The following HECW1 variants were observed in gnomAD, a reference collection of about 807,000 sequenced individuals.
HECW1 encodes E3 ubiquitin-protein ligase HECW1.
In HECW1, 61 loss-of-function variants were observed where a neutral mutation model predicts 182.3. That is an observed-to-expected ratio of 0.33 (90% CI 0.27 to 0.41). The LOEUF is 0.41. Among genes scored for constraint, HECW1 ranks in the 10% least tolerant of loss-of-function variants. The probability of loss-of-function intolerance (pLI) is 1.00; values close to 1 mark genes in which losing one functional copy is unlikely to be tolerated. For missense variants in HECW1, 1,739 were observed against 2,108.9 expected, an observed-to-expected ratio of 0.82 and a Z score of 3.44; for synonymous variants, 859 against 832.6, an observed-to-expected ratio of 1.03 and a Z score of -0.55.
chr7:43,219,725 T>C (rs1374124910), intron 2 of HECW1, among the ~76,000 whole-genome samples: 1 of 152,194 alleles, frequency 6.6e-6, no homozygotes, highest in Non-Finnish European at 1.5e-5. Flanking sequence ...ATAACATAAT[T>C]GATTAAGTCA....
chr7:43,553,372 T>A (rs766999790), intron 28 of HECW1, among the ~76,000 whole-genome samples: 11 of 152,062 alleles, frequency 7.2e-5, no homozygotes, highest in Non-Finnish European at 1.3e-4. Flanking sequence ...AAAATCGGTA[T>A]AGAATGAAAA....
intron 8 of HECW1, among the ~76,000 whole-genome samples, chr7:43,416,620 C>T (rs1199441044): frequency 1.3e-5 from 2 of 149,734 alleles, no homozygotes; most frequent in Non-Finnish European, 3.0e-5. Context: ...GGGCACCCCT[C>T]CCCCAGCCTC....
At chr7:43,354,787 A>G (rs1562877224) in intron 5 of HECW1, among the ~76,000 whole-genome samples, 5 of 152,216 alleles carry the variant, frequency 3.3e-5, no homozygotes, top group Non-Finnish European at 7.3e-5. Context: ...AGAAAGAGGT[A>G]TATATCCATC....
intron 2 of HECW1, among the ~76,000 whole-genome samples, chr7:43,120,788 T>G (rs866814956): frequency 6.6e-6 from 1 of 152,016 alleles, no homozygotes; most frequent in Non-Finnish European, 1.5e-5. Flanking sequence ...GGACTACAGG[T>G]GCACACCACC....
At chr7:43,545,352 G>A (rs1348070980) in intron 26 of HECW1, among the ~76,000 whole-genome samples, 7 of 152,188 alleles carry the variant, frequency 4.6e-5, no homozygotes, top group Non-Finnish European at 8.8e-5. Flanking sequence ...AAATAAAGTT[G>A]AAGATACAGA....
At chr7:43,274,475 A>G in intron 3 of HECW1, 1 of 626,048 alleles carries the variant, frequency 1.6e-6, no homozygotes, top group Non-Finnish European at 2.9e-6. Context: ...ATGGGCCGGC[A>G]CCGCACCCAG....
chr7:43,250,926 C>A (rs1191310461), intron 3 of HECW1, among the ~76,000 whole-genome samples: 1 of 152,200 alleles, frequency 6.6e-6, no homozygotes, highest in African/African-American at 2.4e-5. Flanking sequence ...GGCATATGAC[C>A]TTCAGATCCT....
At chr7:43,559,162 G>A (rs530822457) in intron 29 of HECW1, among the ~76,000 whole-genome samples, 1 of 152,288 alleles carries the variant, frequency 6.6e-6, no homozygotes, top group Admixed American at 6.5e-5. Context: ...AAATAGAGGA[G>A]ACGGGGAGAT....
At chr7:43,325,776 G>A (rs1224463395) in intron 5 of HECW1, among the ~76,000 whole-genome samples, 1 of 152,164 alleles carries the variant, frequency 6.6e-6, no homozygotes, top group Admixed American at 6.5e-5. Context: ...TCCCGGGTCA[G>A]TCTTAGGCTC....
chr7:43,377,155 C>A (rs1233557959), intron 6 of HECW1, among the ~76,000 whole-genome samples: 1 of 152,106 alleles, frequency 6.6e-6, no homozygotes, highest in Non-Finnish European at 1.5e-5. Context: ...CACCATGAGA[C>A]CCAGAGTAGG....
chr7:43,154,772 G>T (rs919790484), intron 2 of HECW1, among the ~76,000 whole-genome samples: 1 of 152,140 alleles, frequency 6.6e-6, no homozygotes, highest in Non-Finnish European at 1.5e-5. Context: ...TCCTTCACTG[G>T]TAGGTTCTAA....
chr7:43,205,770 C>T (rs1795417144), intron 2 of HECW1, among the ~76,000 whole-genome samples: 1 of 152,168 alleles, frequency 6.6e-6, no homozygotes, highest in Non-Finnish European at 1.5e-5. Flanking sequence ...CCCTTCTGTC[C>T]TACCCCTACC....
chr7:43,376,652 G>A (rs935821657), intron 6 of HECW1, among the ~76,000 whole-genome samples: 2 of 152,158 alleles, frequency 1.3e-5, no homozygotes, highest in Non-Finnish European at 2.9e-5. Flanking sequence ...ATCACTTGAG[G>A]TCAGGAGTTC....
intron 3 of HECW1, among the ~76,000 whole-genome samples, chr7:43,244,569 T>C (rs1342368950): frequency 1.3e-5 from 2 of 152,184 alleles, no homozygotes; most frequent in African/African-American, 4.8e-5. Context: ...GAGCTCCCCA[T>C]GAGCTCCTCT....
rs762517053 is a variant in HECW1, at chr7:43,463,736, C to T, written c.2728C>T (p.Pro910Ser). The T allele has an allele frequency of 3.7e-6, 6 of 1,613,978 alleles. No individual in the cohort carries two copies. The highest frequency in any genetic ancestry group is 5.1e-6 in the Non-Finnish European group (6 of 1,179,990). ...DSGSQSCEQA[P>S]AGGGGGGGSD... ...TGGCAGCCAAAGCTGCGAGCAAGCC[C>T]CAGCAGGAGGAGGCGGAGGTGGAGG... Residue 910 changes from proline to serine, a missense_variant, in exon 14 of 30, where the codon CCA (proline) becomes TCA (serine). This residue lies in a region of HECW1 where 971 missense variants were observed against 1,029.1 expected (regional missense o/e 0.94). Coordinates refer to ENST00000395891, the MANE Select transcript of HECW1 (RefSeq NM_015052.5).
chr7:43,274,155 C>T (rs1030145598), intron 3 of HECW1: 5 of 416,234 alleles, frequency 1.2e-5, no homozygotes, highest in African/African-American at 8.2e-5. Context: ...ACGGAAAGGA[C>T]GCCATGAAGG....
chr7:43,129,817 T>G (rs992780126), intron 2 of HECW1, among the ~76,000 whole-genome samples: 3 of 152,102 alleles, frequency 2.0e-5, no homozygotes, highest in Non-Finnish European at 4.4e-5. Context: ...GATGGTGTGG[T>G]ACCTGCCCAT....
chr7:43,141,151 C>T (rs1202243374), intron 2 of HECW1, among the ~76,000 whole-genome samples: 3 of 152,190 alleles, frequency 2.0e-5, no homozygotes, highest in African/African-American at 4.8e-5. Context: ...GCCAGCACTG[C>T]GAGGTGACAT....
chr7:43,541,156 G>A lies in HECW1; in HGVS notation c.4020-7G>A, dbSNP rs766787624. 6.2e-7 allele frequency: 1 copy of A among 1,609,798 alleles called. No individual in the cohort carries two copies. Among genetic ancestry groups the A allele is most frequent in the Non-Finnish European group, 8.5e-7 (1 of 1,176,048 alleles). ...TTACCGATTTCTCTGCCTTGTCTGT[G>A]TTCCAGGTTCAGGTTTAGCGGTCGC... On this transcript the variant is annotated splice_polypyrimidine_tract_variant and splice_region_variant and intron_variant, in intron 24 of 29. Coordinates refer to ENST00000395891, the MANE Select transcript of HECW1 (RefSeq NM_015052.5).
Sources: gnomAD v4.1 joint callset for allele counts (sites outside exome capture counted in the v4.1 genomes callset) on GRCh38, gnomAD v4.1.1 for gene constraint, gnomAD v4.1.1 regional missense constraint, MANE v1.5 for transcripts, NCBI Gene and HGNC (gene_info 2026-07-23, HGNC 2026-07-21) for gene names.